CDH26: variants seen among roughly 807,000 people sequenced by gnomAD.
CDH26 encodes the protein cadherin 26, also known as cadherin-like protein 26.
CDH26 carries 83 observed loss-of-function variants against 90.3 expected under a neutral mutation model. The observed-to-expected ratio is 0.92, with a 90% CI of 0.77 to 1.10. CDH26 has a LOEUF of 1.10. Ranked by LOEUF, CDH26 falls within the 50% of genes least tolerant of loss-of-function variation. The pLI is 0.00. For synonymous variants in CDH26, 397 were observed against 396.3 expected, an observed-to-expected ratio of 1.00 and a Z score of -0.02; for missense variants, 1,013 against 1,037.6, an observed-to-expected ratio of 0.98 and a Z score of 0.33.
At chr20:60,006,848 C>T (rs2061760758) in intron 17 of CDH26, 61 bp downstream of exon 17, 1 of 1,300,526 alleles carries the variant, frequency 7.7e-7, no homozygotes, top group Non-Finnish European at 1.1e-6. Flanking sequence ...CACTGTGCTC[C>T]AGGCTTGATT....
chr20:59,988,697 G>C (rs1181726607), intron 8 of CDH26, among the ~76,000 whole-genome samples: 2 of 152,036 alleles, frequency 1.3e-5, no homozygotes, highest in East Asian at 3.9e-4. Context: ...CAGCAGAGGA[G>C]GAGGGAAAAA....
intron 7 of CDH26, among the ~76,000 whole-genome samples, chr20:60,023,304 TC>T (rs1426053525): frequency 6.6e-6 from 1 of 152,220 alleles, no homozygotes; most frequent in Admixed American, 6.5e-5. Context: ...TTTCTGTCAT[TC>T]ATGGCCAGGT....
chr20:59,964,416 A>G (rs2061119056), intron 1 of CDH26, among the ~76,000 whole-genome samples: 1 of 152,154 alleles, frequency 6.6e-6, no homozygotes, highest in African/African-American at 2.4e-5. Context: ...CTGAGGGAAC[A>G]AGCATCTAGA....
At chr20:59,967,861 CTTTCTTTCTTTCTTT>C (rs2061178006) in intron 1 of CDH26, among the ~76,000 whole-genome samples, 240 of 108,086 alleles carry the variant, frequency 2.2e-3, no homozygotes, top group African/African-American at 0.01. Flanking sequence ...TTCTTTCTTT[CTTTCTTTCTTTCTTT>C]CTTCCTTCCT....
At chr20:60,004,230 C>T (rs1367945360) in intron 16 of CDH26, among the ~76,000 whole-genome samples, 2 of 152,202 alleles carry the variant, frequency 1.3e-5, no homozygotes, top group Non-Finnish European at 2.9e-5. Context: ...ACTATGTGTA[C>T]ACACATGTGT....
At chr20:60,012,283 CT>C (rs1236679554) in intron 17 of CDH26, among the ~76,000 whole-genome samples, 1 of 152,036 alleles carries the variant, frequency 6.6e-6, no homozygotes, top group African/African-American at 2.4e-5. Context: ...CTCCTGGGGG[CT>C]CCTGTCATAC....
At chr20:60,011,916 G>A (rs879778157) in intron 17 of CDH26, among the ~76,000 whole-genome samples, 6 of 152,260 alleles carry the variant, frequency 3.9e-5, no homozygotes, top group African/African-American at 1.2e-4. Flanking sequence ...AGATGGTGAC[G>A]GGGACATCAC....
At chr20:59,989,244 C>T in intron 9 of CDH26, 81 bp downstream of exon 9, 1 of 1,566,646 alleles carries the variant, frequency 6.4e-7, no homozygotes, top group Non-Finnish European at 8.6e-7. Flanking sequence ...AGAAAACCAG[C>T]TCGGCCGGGC....
downstream of CDH26, chr20:60,014,645 G>A (rs1176823889): frequency 6.6e-6 from 1 of 152,122 alleles, no homozygotes; most frequent in African/African-American, 2.4e-5. Context: ...TTATTTTAGT[G>A]GCTGAATAAT....
intron 4 of CDH26, among the ~76,000 whole-genome samples, chr20:59,979,008 C>A (rs2061358788): frequency 6.6e-6 from 1 of 151,884 alleles, no homozygotes; most frequent in Non-Finnish European, 1.5e-5. Context: ...TTTGACAAAC[C>A]CTCCTTCAAC....
chr20:59,958,625 G>T lies in CDH26; in HGVS notation c.-102G>T. The T allele has an allele frequency of 9.2e-7, 1 of 1,082,406 alleles. No homozygotes were observed. Among genetic ancestry groups the T allele is most frequent in the South Asian group, 1.3e-5 (1 of 74,974 alleles). The allele number at this position is 1,082,406 out of a possible 1,614,324, so 67.1% of individuals were successfully genotyped here. A position where few individuals can be genotyped will look rare whatever the true frequency, so the allele number is the denominator to read the frequency against. On this transcript the variant is annotated 5_prime_UTR_variant, in exon 1 of 18. Transcript: ENST00000348616. The stretch of plus-strand genomic sequence containing the variant: ...AAGTGACCTGAAAACCTTTAGAGAA[G>T]AAGCTGCTGGCTGAGAAGGAGGTGT...
In CDH26 at chr20:60,006,779, T is replaced by C. The variant is rs777653533; in HGVS notation, c.2287T>C (p.Leu763=). 162 of 1,613,482 alleles carry C rather than the reference T, an allele frequency of 1.0e-4. No individual in the cohort carries two copies. Among genetic ancestry groups the C allele is most frequent in the Non-Finnish European group, 1.3e-4 (158 of 1,179,430 alleles). The change falls in exon 17 of 18, where the codon TTG becomes CTG. Residue 763 remains leucine, a synonymous_variant. Coordinates refer to ENST00000348616, the MANE Select transcript of CDH26 (RefSeq NM_177980.4). The part of the protein sequence containing the change: ...APVEGRMAET[L]NQKLHVANVL... ...GGTGGAAGGAAGGATGGCAGAGACA[T>C]TGAATCAGGTAGGGAGAGCTCCCCT...
intron 13 of CDH26, among the ~76,000 whole-genome samples, chr20:59,998,649 G>C (rs2061633894): frequency 6.6e-6 from 1 of 152,128 alleles, no homozygotes; most frequent in South Asian, 2.1e-4. Flanking sequence ...AGTATCTTAG[G>C]GCTCTGAGAA....
chr20:59,987,902 T>C (rs1274936428), intron 8 of CDH26, among the ~76,000 whole-genome samples: 1 of 152,224 alleles, frequency 6.6e-6, no homozygotes, highest in Non-Finnish European at 1.5e-5. Flanking sequence ...TTTTTGTTGT[T>C]GTAGGCAAAA....
At chr20:60,032,999 A>C (rs1239399966) in intron 8 of CDH26, among the ~76,000 whole-genome samples, 4 of 150,570 alleles carry the variant, frequency 2.7e-5, no homozygotes, top group Non-Finnish European at 5.9e-5. Flanking sequence ...AAAGTATAAT[A>C]ATAAAAAAAA....
rs1033515134 is a variant in CDH26 at position 60,030,492 on chromosome 20, C to T, written c.948-739C>T. ...TTGGGTAGTTCCCCATCTCTTCATCCTCTGTTTCTGTAAGTTCCAGAGGCA... is the reference window on the plus strand; with the variant it reads ...TTGGGTAGTTCCCCATCTCTTCATCTTCTGTTTCTGTAAGTTCCAGAGGCA... On this transcript the variant is annotated intron_variant, in intron 7 of 8. Transcript: ENST00000370991. This position sits in a 1 kb window ranked among gnomAD's most constrained non-coding sequence, Gnocchi z 4.0. Among the ~76,000 whole-genome samples the T allele has an allele frequency of 3.9e-5, 6 of 152,090 alleles. No individual in the cohort carries two copies. Among genetic ancestry groups the T allele is most frequent in the African/African-American group, 1.4e-4 (6 of 41,412 alleles).
chr20:59,974,138 A>G (rs887779843), intron 4 of CDH26, among the ~76,000 whole-genome samples: 2 of 152,160 alleles, frequency 1.3e-5, no homozygotes, highest in Non-Finnish European at 2.9e-5. Context: ...TCATTTTTCT[A>G]ATAATCAGTG....
At chr20:60,008,929 T>C (rs1358912042) in intron 17 of CDH26, among the ~76,000 whole-genome samples, 1 of 152,222 alleles carries the variant, frequency 6.6e-6, no homozygotes, top group African/African-American at 2.4e-5. Context: ...AAGGGGGCTG[T>C]GTACCCACAG....
chr20:59,971,900 G>T, intron 3 of CDH26, 62 bp from the exon 4 acceptor site: 1 of 1,371,398 alleles, frequency 7.3e-7, no homozygotes, highest in South Asian at 1.3e-5. Context: ...CTTGATACTT[G>T]ATTATCATAG....
Sources: allele counts gnomAD v4.1 joint callset (sites outside exome capture counted in the v4.1 genomes callset), GRCh38; gene constraint gnomAD v4.1.1; non-coding constraint Gnocchi (gnomAD v3.1); transcripts MANE v1.5; gene names NCBI Gene and HGNC (gene_info 2026-07-23, HGNC 2026-07-21).